Variants in KCNQ5 observed in about 807,000 individuals in gnomAD.
KCNQ5 encodes potassium voltage-gated channel subfamily Q member 5, also known as potassium voltage-gated channel subfamily KQT member 5.
Under a neutral mutation model 98.2 loss-of-function variants are expected in KCNQ5, and 30 were observed. That is an observed-to-expected ratio of 0.31 (90% CI 0.23 to 0.41). The LOEUF (loss-of-function observed/expected upper bound fraction) is 0.41. Ranked by LOEUF, KCNQ5 falls within the 10% of genes least tolerant of loss-of-function variation. KCNQ5 has a pLI of 1.00. For missense variants in KCNQ5, 835 were observed against 1,182.5 expected, an observed-to-expected ratio of 0.71 and a Z score of 4.31; for synonymous variants, 458 against 449.4, an observed-to-expected ratio of 1.02 and a Z score of -0.24.
chr6:73,133,686 A>G (rs759975910), intron 10 of KCNQ5, 45 bp downstream of exon 10: 2 of 1,501,844 alleles, frequency 1.3e-6, no homozygotes, highest in Admixed American at 3.4e-5. Context: ...GATAGGCTAT[A>G]GTGAGTGAGA....
At chr6:73,036,140 A>G (rs1771412297) in intron 2 of KCNQ5, among the ~76,000 whole-genome samples, 1 of 151,866 alleles carries the variant, frequency 6.6e-6, no homozygotes. Flanking sequence ...TAATCCCAGC[A>G]CTTTGGGAGG....
chr6:73,129,961 T>A (rs946083831), intron 9 of KCNQ5: 4 of 768,300 alleles, frequency 5.2e-6, no homozygotes, highest in Non-Finnish European at 8.5e-6. Flanking sequence ...ACTCACTCTT[T>A]CTAGGGACTT....
At chr6:72,809,518 C>CTCCA (rs1225011961) in intron 1 of KCNQ5, among the ~76,000 whole-genome samples, 7 of 151,772 alleles carry the variant, frequency 4.6e-5, no homozygotes, top group Non-Finnish European at 8.8e-5. Flanking sequence ...TGCCACTGCA[C>CTCCA]TCCAGCCTGG....
chr6:73,186,065 C>CA (rs753101776), intron 11 of KCNQ5, among the ~76,000 whole-genome samples: 3 of 151,886 alleles, frequency 2.0e-5, no homozygotes, highest in Admixed American at 1.3e-4. Context: ...CCTATCTCTG[C>CA]AAAAAATATA....
intron 1 of KCNQ5, among the ~76,000 whole-genome samples, chr6:72,623,391 A>AGTGTGTGTGTGTGTGTGTGTGTGTGTGT (rs1214797915): frequency 2.1e-5 from 3 of 143,042 alleles, no homozygotes; most frequent in African/African-American, 7.9e-5. Flanking sequence ...GGAGTCAAAG[A>AGTGTGTGTGTGTGTGTGTGTGTGTGTGT]GTGTGTGTGT....
intron 2 of KCNQ5, among the ~76,000 whole-genome samples, chr6:73,005,201 T>C (rs1050562735): frequency 2.0e-5 from 3 of 152,220 alleles, no homozygotes; most frequent in Non-Finnish European, 4.4e-5. Context: ...AGAGAACAGA[T>C]AGACCAAAGA....
chr6:73,096,121 A>G (rs1774482766), intron 5 of KCNQ5, among the ~76,000 whole-genome samples: 2 of 152,056 alleles, frequency 1.3e-5, no homozygotes, highest in African/African-American at 4.8e-5. Flanking sequence ...AAGAGTCCCA[A>G]AATTGAAGAA....
At chr6:72,941,344 T>TTC (rs1766234466) in intron 1 of KCNQ5, among the ~76,000 whole-genome samples, 2 of 38,940 alleles carry the variant, frequency 5.1e-5, no homozygotes, top group African/African-American at 7.9e-5. Flanking sequence ...TTCCTTCCTT[T>TTC]CTTCCTTCCT....
intron 10 of KCNQ5, among the ~76,000 whole-genome samples, chr6:73,142,068 A>G (rs1776737303): frequency 6.6e-6 from 1 of 152,160 alleles, no homozygotes; most frequent in South Asian, 2.1e-4. Context: ...CACATTATTC[A>G]CACCCTAGGT....
At chr6:72,826,555 CT>C (rs377573337) in intron 1 of KCNQ5, among the ~76,000 whole-genome samples, 126 of 151,428 alleles carry the variant, frequency 8.3e-4, no homozygotes, top group South Asian at 2.7e-3. Flanking sequence ...CTATAATCTT[CT>C]TTTTTTTAAT....
chr6:72,858,498 A>G (rs1225979604), intron 1 of KCNQ5, among the ~76,000 whole-genome samples: 1 of 151,628 alleles, frequency 6.6e-6, no homozygotes, highest in Admixed American at 6.6e-5. Context: ...ATATTTTTCC[A>G]ATATAAATAT....
intron 11 of KCNQ5, among the ~76,000 whole-genome samples, chr6:73,184,294 A>G (rs749881934): frequency 1.3e-5 from 2 of 152,230 alleles, no homozygotes; most frequent in Non-Finnish European, 2.9e-5. Flanking sequence ...TAGCAGTTCT[A>G]TTTAAATGAC....
chr6:72,736,562 G>T (rs984320796), intron 1 of KCNQ5, among the ~76,000 whole-genome samples: 1 of 140,662 alleles, frequency 7.1e-6, no homozygotes, highest in Non-Finnish European at 1.5e-5. Flanking sequence ...TGCAGTGGCG[G>T]GATCTCGGCT....
chr6:73,131,227 A>C (rs1468577630), intron 9 of KCNQ5, among the ~76,000 whole-genome samples: 4 of 152,070 alleles, frequency 2.6e-5, no homozygotes, highest in Non-Finnish European at 5.9e-5. Context: ...TTCATTTTGG[A>C]TGTTTTTACT....
At chr6:73,062,717 A>G (rs1443858871) in intron 3 of KCNQ5, among the ~76,000 whole-genome samples, 1 of 152,208 alleles carries the variant, frequency 6.6e-6, no homozygotes, top group Non-Finnish European at 1.5e-5. Flanking sequence ...GGTCATGGGA[A>G]CATGATTATA....
chr6:72,828,866 A>G (rs1776115675), intron 1 of KCNQ5, among the ~76,000 whole-genome samples: 1 of 152,088 alleles, frequency 6.6e-6, no homozygotes, highest in Admixed American at 6.6e-5. Flanking sequence ...CTTAGAGGAA[A>G]ACCTTCAGCT....
chr6:72,785,689 C>A (rs1773704408), intron 1 of KCNQ5, among the ~76,000 whole-genome samples: 1 of 151,628 alleles, frequency 6.6e-6, no homozygotes, highest in East Asian at 1.9e-4. Flanking sequence ...CAAAACAAAA[C>A]AAACAAACAG....
At chr6:73,170,985 C>T (rs1777992321) in intron 11 of KCNQ5, among the ~76,000 whole-genome samples, 1 of 152,148 alleles carries the variant, frequency 6.6e-6, no homozygotes, top group Admixed American at 6.5e-5. Flanking sequence ...TAGCTATTCA[C>T]ATGTTTGGTC....
chr6:73,041,306 A>G (rs1475725537), intron 2 of KCNQ5, among the ~76,000 whole-genome samples: 1 of 152,202 alleles, frequency 6.6e-6, no homozygotes, highest in Non-Finnish European at 1.5e-5. Flanking sequence ...AGCTCTTGCC[A>G]AAGGGCAGCA....
Sources: gnomAD v4.1 joint callset for allele counts (sites outside exome capture counted in the v4.1 genomes callset) on GRCh38, gnomAD v4.1.1 for gene constraint, MANE v1.5 for transcripts, NCBI Gene and HGNC (gene_info 2026-07-23, HGNC 2026-07-21) for gene names.